The following ASTN2 variants were observed in gnomAD, a reference collection of about 807,000 sequenced individuals.
The protein encoded by ASTN2 is astrotactin 2.
Under a neutral mutation model 139.8 loss-of-function variants are expected in ASTN2, and 54 were observed. The ratio of observed to expected loss-of-function variants is 0.39; its 90% CI spans 0.31 to 0.48. The LOEUF (loss-of-function observed/expected upper bound fraction) is 0.48, where lower values mean the gene tolerates loss of function less well. ASTN2 is among the 20% of genes least tolerant of loss of function. The probability of loss-of-function intolerance (pLI) is 0.95; values close to 1 mark genes in which losing one functional copy is unlikely to be tolerated. For missense variants in ASTN2, 1,565 were observed against 1,725.1 expected, an observed-to-expected ratio of 0.91 and a Z score of 1.64; for synonymous variants, 756 against 719.5, an observed-to-expected ratio of 1.05 and a Z score of -0.81.
At chr9:116,667,780 A>T (rs1283275096) in intron 16 of ASTN2, among the ~76,000 whole-genome samples, 1 of 152,180 alleles carries the variant, frequency 6.6e-6, no homozygotes, top group Non-Finnish European at 1.5e-5. Flanking sequence ...TCACAGAAAA[A>T]CTGAAATGAA....
intron 10 of ASTN2, among the ~76,000 whole-genome samples, chr9:116,913,964 C>A (rs972011570): frequency 6.7e-6 from 1 of 149,228 alleles, no homozygotes. Flanking sequence ...GCCTCAAAGA[C>A]AAGAAAAGGA....
At chr9:117,121,224 G>C (rs895354749) in intron 4 of ASTN2, among the ~76,000 whole-genome samples, 3 of 152,144 alleles carry the variant, frequency 2.0e-5, no homozygotes, top group African/African-American at 7.2e-5. Context: ...TATCACATTG[G>C]TCTATTATGT....
intron 13 of ASTN2, among the ~76,000 whole-genome samples, chr9:116,751,445 A>T (rs750390195): frequency 9.2e-5 from 14 of 152,258 alleles, no homozygotes; most frequent in Non-Finnish European, 1.6e-4. Flanking sequence ...ACAAAATAAC[A>T]GTACCAGTGT....
chr9:116,638,600 G>A (rs969783505), intron 17 of ASTN2, among the ~76,000 whole-genome samples: 1 of 151,144 alleles, frequency 6.6e-6, no homozygotes. Context: ...AGAAATACAA[G>A]GCCAGATAAG....
chr9:117,182,634 T>C (rs922631674), intron 3 of ASTN2, among the ~76,000 whole-genome samples: 1 of 152,176 alleles, frequency 6.6e-6, no homozygotes, highest in African/African-American at 2.4e-5. Flanking sequence ...ACTAAGCTGT[T>C]CTCTGTTCCT....
intron 19 of ASTN2, among the ~76,000 whole-genome samples, chr9:116,578,487 T>G (rs73524196): frequency 0.023 from 3,569 of 152,186 alleles, 131 homozygotes; most frequent in African/African-American, 0.082. Context: ...TCACTAGATA[T>G]TATGAGAATT....
At chr9:116,642,141 A>AAAAC (rs1857366646) in intron 17 of ASTN2, among the ~76,000 whole-genome samples, 1 of 145,776 alleles carries the variant, frequency 6.9e-6, no homozygotes, top group Non-Finnish European at 1.5e-5. Context: ...ACAAAAAAAA[A>AAAAC]AAAACAAAAA....
At chr9:116,470,525 T>C (rs1848781058) in intron 20 of ASTN2, among the ~76,000 whole-genome samples, 1 of 152,148 alleles carries the variant, frequency 6.6e-6, no homozygotes, top group Non-Finnish European at 1.5e-5. Context: ...ATAGTGATAA[T>C]AAAAAAACAC....
chr9:116,868,175 C>A (rs1314185372), intron 10 of ASTN2, among the ~76,000 whole-genome samples: 1 of 152,198 alleles, frequency 6.6e-6, no homozygotes, highest in Non-Finnish European at 1.5e-5. Flanking sequence ...ATTTCCTGGG[C>A]ACCTGCTATG....
chr9:116,486,020 A>C (rs1273179641), intron 20 of ASTN2, among the ~76,000 whole-genome samples: 1 of 152,228 alleles, frequency 6.6e-6, no homozygotes, highest in Non-Finnish European at 1.5e-5. Context: ...ATACCAAGCC[A>C]GGGTGTTTCT....
intron 3 of ASTN2, among the ~76,000 whole-genome samples, chr9:117,153,454 T>G (rs189118124): frequency 5.9e-5 from 9 of 152,278 alleles, no homozygotes; most frequent in Non-Finnish European, 2.9e-5. Flanking sequence ...GTTTGTTACG[T>G]AGCATTGTTG....
intron 10 of ASTN2, among the ~76,000 whole-genome samples, chr9:116,915,390 A>G (rs1462400840): frequency 1.3e-5 from 2 of 152,182 alleles, no homozygotes; most frequent in Admixed American, 1.3e-4. Context: ...CTCTGCCTCA[A>G]GTTCCTGACA....
intron 16 of ASTN2, among the ~76,000 whole-genome samples, chr9:116,705,179 C>CT (rs1292844357): frequency 6.6e-6 from 1 of 152,158 alleles, no homozygotes; most frequent in African/African-American, 2.4e-5. Context: ...GTCACTTAAC[C>CT]TCTCAGTCTG....
chr9:116,954,722 A>T (rs1046815836), intron 10 of ASTN2, among the ~76,000 whole-genome samples: 2 of 152,148 alleles, frequency 1.3e-5, no homozygotes, highest in Non-Finnish European at 2.9e-5. Flanking sequence ...CAAACATCTG[A>T]GAGAGTTTCC....
intron 22 of ASTN2, among the ~76,000 whole-genome samples, chr9:116,431,765 C>T (rs946673940): frequency 3.3e-5 from 5 of 152,130 alleles, no homozygotes; most frequent in Admixed American, 3.3e-4. Context: ...TTAGAGTCTA[C>T]AGGTGATAAA....
rs528180557 is a variant in ASTN2 at position 116,784,522 on chromosome 9, A to G, written c.2396+21110T>C. Among the ~76,000 whole-genome samples, 3 of 152,334 alleles carry G rather than the reference A, an allele frequency of 2.0e-5. No homozygotes were observed. In the East Asian group the frequency reaches 5.8e-4, roughly 29 times the overall value. On this transcript the variant is annotated intron_variant, in intron 13 of 22. Transcript: ENST00000313400. The stretch of plus-strand genomic sequence containing the variant: ...ATGTCCTGTGTTGTTAGTTAACTTT[A>G]ACATGGGCATGTTTTCATGGCATTC...
At chr9:116,509,697 C>T (rs1446718436) in intron 19 of ASTN2, among the ~76,000 whole-genome samples, 3 of 150,218 alleles carry the variant, frequency 2.0e-5, no homozygotes, top group Non-Finnish European at 3.0e-5. Context: ...TAATGATTGC[C>T]ATTCTAACTG....
chr9:117,347,767 A>G (rs1012895962), intron 1 of ASTN2, among the ~76,000 whole-genome samples: 12 of 152,186 alleles, frequency 7.9e-5, no homozygotes, highest in African/African-American at 2.7e-4. Context: ...GTGAATTGCT[A>G]AAGAGGAACA....
rs1564406199 is a variant in ASTN2 at position 117,060,342 on chromosome 9, GAGAGAAAGAAAGAAAGAA to G, written c.1277-20395_1277-20378del. Among the ~76,000 whole-genome samples, 67 of 66,462 alleles carry G rather than the reference GAGAGAAAGAAAGAAAGAA, an allele frequency of 1.0e-3. 1 individual carries two copies. The highest frequency in any genetic ancestry group is 4.3e-3 in the African/African-American group (58 of 13,502). The allele number at this position is 66,462 out of a possible 152,430, so 43.6% of individuals were successfully genotyped here. ...AAAAAGAAAGAAAGAAAGAAAGAAA[GAGAGAAAGAAAGAAAGAA>G]AGAAAGAAAGAAAGAAAGAAAGAAA... On this transcript the variant is annotated intron_variant, in intron 5 of 22. Coordinates refer to ENST00000313400, the MANE Select transcript of ASTN2 (RefSeq NM_001365068.1).
Sources: gnomAD v4.1 joint callset for allele counts (sites outside exome capture counted in the v4.1 genomes callset) on GRCh38, gnomAD v4.1.1 for gene constraint, MANE v1.5 for transcripts, NCBI Gene and HGNC (gene_info 2026-07-23, HGNC 2026-07-21) for gene names.